CFTR: variants seen among roughly 807,000 people sequenced by gnomAD.
CFTR encodes the protein CF transmembrane conductance regulator.
In CFTR, 181 loss-of-function variants were observed where a neutral mutation model predicts 171.6. That is an observed-to-expected ratio of 1.05 (90% CI 0.93 to 1.19). The LOEUF (loss-of-function observed/expected upper bound fraction) is 1.19. CFTR is among the 50% of genes most tolerant of loss of function. The probability of loss-of-function intolerance (pLI) is 0.00; values close to 1 mark genes in which losing one functional copy is unlikely to be tolerated. For synonymous variants in CFTR, 583 were observed against 608.0 expected, an observed-to-expected ratio of 0.96 and a Z score of 0.60; for missense variants, 1,968 against 1,734.7, an observed-to-expected ratio of 1.13 and a Z score of -2.39.
chr7:117,637,943 C>T (rs1321239599), intron 22 of CFTR, among the ~76,000 whole-genome samples: 1 of 152,108 alleles, frequency 6.6e-6, no homozygotes, highest in East Asian at 1.9e-4. Context: ...CTGATCTTCA[C>T]TGTGAGAACC....
chr7:117,627,279 A>G (rs913244548), intron 21 of CFTR, among the ~76,000 whole-genome samples: 2 of 152,132 alleles, frequency 1.3e-5, no homozygotes, highest in Non-Finnish European at 2.9e-5. Context: ...ACTGAGAATT[A>G]GGTGATCACA....
intron 24 of CFTR, among the ~76,000 whole-genome samples, chr7:117,659,543 C>A (rs1438160303): frequency 6.6e-6 from 1 of 152,168 alleles, no homozygotes; most frequent in Non-Finnish European, 1.5e-5. Context: ...AGAATGAGGA[C>A]TCAGAGCCTT....
At chr7:117,516,402 CT>C (rs1346970254) in intron 3 of CFTR, among the ~76,000 whole-genome samples, 1 of 152,124 alleles carries the variant, frequency 6.6e-6, no homozygotes, top group Non-Finnish European at 1.5e-5. Context: ...TTTACCGTCA[CT>C]TCCATCTTTT....
At chr7:117,529,812 G>A (rs556528730) in intron 3 of CFTR, among the ~76,000 whole-genome samples, 205 of 152,174 alleles carry the variant, frequency 1.3e-3, no homozygotes, top group African/African-American at 4.8e-3. Flanking sequence ...AATAATGCTT[G>A]GCAATACCAG....
chr7:117,542,194 A>C (rs1799066854), intron 9 of CFTR, 86 bp downstream of exon 9: 1 of 740,440 alleles, frequency 1.4e-6, no homozygotes, highest in South Asian at 1.4e-5. Context: ...TGGCGAATAA[A>C]ATTAGAATGA....
In CFTR at chr7:117,535,345, G is replaced by A. The variant is rs770891254; in HGVS notation, c.677G>A (p.Gly226Glu). The stretch of plus-strand genomic sequence containing the variant: ...TTGTTACAGGCGTCTGCCTTCTGTG[G>A]ACTTGGTTTCCTGATAGTCCTTGCC... ...WELLQASAFC[G>E]LGFLIVLALF... The change falls in exon 6 of 27, where the codon GGA (glycine) becomes GAA (glutamate). Residue 226 changes from glycine (G) to glutamate (E), a missense_variant. Physicochemically the swap from Gly to Glu is moderately conservative, Grantham distance 98 (BLOSUM62 -2). Coordinates refer to ENST00000003084, the MANE Select transcript of CFTR (RefSeq NM_000492.4). 3 of 1,614,102 alleles carry A rather than the reference G, an allele frequency of 1.9e-6. No individual in the cohort carries two copies. Among genetic ancestry groups the A allele is most frequent in the Non-Finnish European group, 1.7e-6 (2 of 1,180,026 alleles).
intron 15 of CFTR, among the ~76,000 whole-genome samples, chr7:117,602,434 T>C (rs1792240518): frequency 6.6e-6 from 1 of 152,244 alleles, no homozygotes; most frequent in African/African-American, 2.4e-5. Flanking sequence ...GAATGGCTAA[T>C]AAAATTATTT....
chr7:117,587,444 T>A (rs1353285867), intron 11 of CFTR, among the ~76,000 whole-genome samples: 1 of 152,198 alleles, frequency 6.6e-6, no homozygotes, highest in Non-Finnish European at 1.5e-5. Context: ...CTACACATAT[T>A]TATATACCCA....
At chr7:117,496,628 A>G (rs537521732) in intron 1 of CFTR, among the ~76,000 whole-genome samples, 3 of 152,344 alleles carry the variant, frequency 2.0e-5, no homozygotes, top group Admixed American at 6.5e-5. Flanking sequence ...TAATGGTGCT[A>G]TGAACATTTG....
chr7:117,537,479 G>A (rs968476126), intron 7 of CFTR, among the ~76,000 whole-genome samples: 2 of 152,162 alleles, frequency 1.3e-5, no homozygotes, highest in African/African-American at 2.4e-5. Context: ...TTGATACACT[G>A]TTCAAGGAAC....
chr7:117,601,329 G>A (rs34489981), intron 15 of CFTR, among the ~76,000 whole-genome samples: 5,552 of 152,048 alleles, frequency 0.037, 142 homozygotes, highest in African/African-American at 0.047. Flanking sequence ...GGAAACAAGG[G>A]TAGTTTTTAC....
chr7:117,531,141 G>A (rs1435110560), intron 4 of CFTR, 27 bp downstream of exon 4: 1 of 1,518,330 alleles, frequency 6.6e-7, no homozygotes, highest in Non-Finnish European at 9.1e-7. Context: ...CAGGCCCCAT[G>A]GCACATATAT....
In CFTR at chr7:117,567,754, TC is replaced by T. The variant is rs138681453; in HGVS notation, c.1584+8100del. Among the ~76,000 whole-genome samples, 843 of 152,278 alleles carry T rather than the reference TC, an allele frequency of 5.5e-3. 3 individuals carry two copies. The highest frequency in any genetic ancestry group is 0.02 in the African/African-American group (816 of 41,560). On this transcript the variant is annotated intron_variant, in intron 11 of 26. Transcript: ENST00000003084. ...CTTTGAACTAGGGACTGGGCCAAACTCTAGGAACATATTTGATGACAGAGAC... is the reference window on the plus strand; with the variant it reads ...CTTTGAACTAGGGACTGGGCCAAACTTAGGAACATATTTGATGACAGAGAC...
intron 1 of CFTR, among the ~76,000 whole-genome samples, chr7:117,498,782 A>G (rs1322760764): frequency 6.6e-6 from 1 of 151,080 alleles, no homozygotes. Context: ...TTTTCCAATG[A>G]GTCCCCTCTT....
intron 21 of CFTR, among the ~76,000 whole-genome samples, chr7:117,624,907 T>C (rs1779130410): frequency 6.6e-6 from 1 of 152,202 alleles, no homozygotes; most frequent in Admixed American, 6.5e-5. Flanking sequence ...AGAATTGATT[T>C]GTTCTGCTCT....
At chr7:117,553,654 G>A (rs567813241) in intron 10 of CFTR, among the ~76,000 whole-genome samples, 68 of 152,224 alleles carry the variant, frequency 4.5e-4, no homozygotes, top group Non-Finnish European at 8.2e-4. Flanking sequence ...TTTATTATAA[G>A]TAGTGTAAAA....
chr7:117,534,459 G>C, intron 5 of CFTR, 94 bp downstream of exon 5: 1 of 741,492 alleles, frequency 1.3e-6, no homozygotes. Context: ...ATAGTAATTA[G>C]TGGTTAAGTC....
chr7:117,594,245 G>A (rs1416113136), intron 14 of CFTR, among the ~76,000 whole-genome samples: 2 of 152,110 alleles, frequency 1.3e-5, no homozygotes, highest in Non-Finnish European at 2.9e-5. Context: ...AATTCCATAG[G>A]AGCCCTTCTT....
chr7:117,620,221 A>C (rs1792553758), intron 21 of CFTR, among the ~76,000 whole-genome samples: 1 of 151,924 alleles, frequency 6.6e-6, no homozygotes, highest in Non-Finnish European at 1.5e-5. Context: ...CATCCTGTAG[A>C]GTGTCTGTGG....
Sources: allele counts gnomAD v4.1 joint callset (sites outside exome capture counted in the v4.1 genomes callset), GRCh38; gene constraint gnomAD v4.1.1; transcripts MANE v1.5; gene names NCBI Gene and HGNC (gene_info 2026-07-23, HGNC 2026-07-21).